The following TMEM127 variants were observed in gnomAD, a reference collection of about 807,000 sequenced individuals.
TMEM127 encodes transmembrane protein 127.
Under a neutral mutation model 20.1 loss-of-function variants are expected in TMEM127, and 21 were observed. The observed-to-expected ratio is 1.04, with a 90% CI of 0.74 to 1.50. The LOEUF is 1.50. TMEM127 is among the 40% of genes most tolerant of loss of function. The pLI, the probability that TMEM127 is intolerant of heterozygous loss-of-function variation, is 0.00. For missense variants in TMEM127, 303 were observed against 317.4 expected, an observed-to-expected ratio of 0.95 and a Z score of 0.34; for synonymous variants, 150 against 144.7, an observed-to-expected ratio of 1.04 and a Z score of -0.26.
rs2104289889 is a variant in TMEM127 at position 96,255,915 on chromosome 2, G to A, written c.245-918C>T. On this transcript the variant is annotated intron_variant, in intron 2 of 3. Transcript: ENST00000258439. ...GGACTGCTTGCGCCCAGGAGTTACTGTAAGCTATAATCACACCACTGCACT... is the reference window on the plus strand; with the variant it reads ...GGACTGCTTGCGCCCAGGAGTTACTATAAGCTATAATCACACCACTGCACT... Among the ~76,000 whole-genome samples, 3 of 152,242 alleles carry A rather than the reference G, an allele frequency of 2.0e-5. 1 individual carries two copies. In the South Asian group the frequency reaches 6.2e-4, roughly 32 times the overall value.
chr2:96,263,158 G>A (rs953043268), intron 2 of TMEM127, among the ~76,000 whole-genome samples: 3 of 150,832 alleles, frequency 2.0e-5, no homozygotes, highest in Admixed American at 6.6e-5. Context: ...GGGTTCAAGC[G>A]ATTCGCCTGC....
At chr2:96,263,903 C>A (rs1283583235) in intron 2 of TMEM127, among the ~76,000 whole-genome samples, 7 of 152,138 alleles carry the variant, frequency 4.6e-5, no homozygotes, top group Admixed American at 4.6e-4. Flanking sequence ...AAGCTTAATG[C>A]TCTTTGTGCC....
At chr2:96,265,833 G>A (rs1204146481) in intron 1 of TMEM127, 36 bp downstream of exon 1, 1 of 179,988 alleles carries the variant, frequency 5.6e-6, no homozygotes, top group Non-Finnish European at 1.2e-5. Flanking sequence ...CCTGTGCGCA[G>A]AAAAGACCCT....
Position 96,250,599 on chromosome 2 carries a change from T to C in TMEM127, c.*3209A>G, listed in dbSNP as rs186348610. ...TTCCAAGAAAGATGTGTATTCTCCC[T>C]AACAACAACAAAAGAGACCTAAATG... On this transcript the variant is annotated 3_prime_UTR_variant, in exon 4 of 4. Transcript: ENST00000258439. 210 of 233,076 alleles carry C rather than the reference T, an allele frequency of 9.0e-4. 1 individual carries two copies. In the East Asian group the frequency reaches 0.012, roughly 13 times the overall value. The allele number at this position is 233,076 out of a possible 1,614,324, so 14.4% of individuals were successfully genotyped here. A position where few individuals can be genotyped will look rare whatever the true frequency, so the allele number is the denominator to read the frequency against.
intron 2 of TMEM127, among the ~76,000 whole-genome samples, chr2:96,257,427 A>C (rs1684230915): frequency 6.6e-6 from 1 of 152,060 alleles, no homozygotes. Context: ...GTGTCACTGC[A>C]CTCCAGCCTG....
chr2:96,264,684 C>T (rs998264909), intron 2 of TMEM127, among the ~76,000 whole-genome samples: 1 of 152,208 alleles, frequency 6.6e-6, no homozygotes, highest in African/African-American at 2.4e-5. Flanking sequence ...CCTAAAATGC[C>T]ACAGATTCCC....
In TMEM127 at chr2:96,265,234, C is replaced by T. The variant is rs1437924634; in HGVS notation, c.148G>A (p.Glu50Lys). 6 of 1,600,236 alleles carry T rather than the reference C, an allele frequency of 3.7e-6. No homozygotes were observed. Among genetic ancestry groups the T allele is most frequent in the Non-Finnish European group, 5.1e-6 (6 of 1,176,392 alleles). Residue 50 changes from glutamate to lysine, a missense_variant, in exon 2 of 4, where the codon GAG (glutamate) becomes AAG (lysine). Physicochemically the swap from Glu to Lys is moderately conservative, Grantham distance 56 (BLOSUM62 1). Transcript: ENST00000258439. The stretch of plus-strand genomic sequence containing the variant: ...CCGTGGATGTGCAACCAGGCGGGCT[C>T]GGCGAGGGCAGTGCACAGCGCCGTG... The part of the protein sequence containing the change: ...SITALCTALA[E>K]PAWLHIHGGT...
chr2:96,265,801 G>T, intron 1 of TMEM127, 68 bp downstream of exon 1: 1 of 192,894 alleles, frequency 5.2e-6, no homozygotes. Context: ...CCGTGATCTG[G>T]GACCGGCGGT....
intron 2 of TMEM127, among the ~76,000 whole-genome samples, chr2:96,262,793 C>T (rs1684335537): frequency 6.6e-6 from 1 of 151,736 alleles, no homozygotes; most frequent in South Asian, 2.1e-4. Flanking sequence ...TCAAGCGATT[C>T]TCCTGCCTCA....
At chr2:96,254,728 G>A (rs1684164811) in intron 3 of TMEM127, 105 bp downstream of exon 3, 1 of 1,446,556 alleles carries the variant, frequency 6.9e-7, no homozygotes, top group Non-Finnish European at 9.7e-7. Context: ...TGAGCTCCTG[G>A]AAGGGTGCCT....
In TMEM127 at chr2:96,251,770, A is replaced by G. The variant is rs564245763; in HGVS notation, c.*2038T>C. 1 of 233,124 alleles carries G rather than the reference A, an allele frequency of 4.3e-6. No homozygotes were observed. Among genetic ancestry groups the G allele is most frequent in the African/African-American group, 2.2e-5 (1 of 45,404 alleles). 14.4% of individuals were successfully genotyped at this position (233,124 alleles called of 1,614,324 possible). A position where few individuals can be genotyped will look rare whatever the true frequency, so the allele number is the denominator to read the frequency against. On this transcript the variant is annotated 3_prime_UTR_variant, in exon 4 of 4. Transcript: ENST00000258439. ...CAGTGTCAGGATGGCAGAGGGAAAGAGAAAGAAGAGGAAGGCCAAAGACAT... is the reference window on the plus strand; with the variant it reads ...CAGTGTCAGGATGGCAGAGGGAAAGGGAAAGAAGAGGAAGGCCAAAGACAT...
rs1423859485 is a variant in TMEM127 at position 96,265,205 on chromosome 2, G to A, written c.177C>T (p.Gly59=). The A allele has an allele frequency of 3.7e-6, 6 of 1,607,756 alleles. No homozygotes were observed. Among genetic ancestry groups the A allele is most frequent in the Non-Finnish European group, 5.1e-6 (6 of 1,178,576 alleles). The change falls in exon 2 of 4, where the codon GGC becomes GGT. Residue 59 remains glycine (G), a synonymous_variant. Transcript: ENST00000258439. The part of the protein sequence containing the change: ...AEPAWLHIHG[G]TCSRQELGVS... ...CCCCCAGCTCCTGGCGCGAACAGGTGCCTCCGTGGATGTGCAACCAGGCGG... is the reference window on the plus strand; with the variant it reads ...CCCCCAGCTCCTGGCGCGAACAGGTACCTCCGTGGATGTGCAACCAGGCGG...
rs763476625 is a variant in TMEM127, at chr2:96,265,294, T to C, written c.88A>G (p.Ser30Gly). 3.2e-4 allele frequency: 497 copies of C among 1,552,786 alleles called. No individual in the cohort carries two copies. The highest frequency in any genetic ancestry group is 4.2e-4 in the Non-Finnish European group (484 of 1,155,646). Reference sequence around the variant, plus strand: ...GCGCCAGGCAGGGCCGAGGCCAGGCTACGCTCCGGCTGCTTGGGCAGAGCG... The same window carrying C: ...GCGCCAGGCAGGGCCGAGGCCAGGCCACGCTCCGGCTGCTTGGGCAGAGCG... ...GSALPKQPER[S>G]LASALPGALS... Residue 30 changes from serine (S) to glycine (G), a missense_variant, in exon 2 of 4, where the codon AGC becomes GGC. Coordinates refer to ENST00000258439, the MANE Select transcript of TMEM127 (RefSeq NM_017849.4).
chr2:96,265,093 C>T (rs1377946244), intron 2 of TMEM127, 45 bp downstream of exon 2: 4 of 1,609,206 alleles, frequency 2.5e-6, no homozygotes, highest in Admixed American at 1.7e-5. Context: ...AGAACACATT[C>T]TGTCCCCCAC....
At chr2:96,263,360 CT>C (rs1157265984) in intron 2 of TMEM127, among the ~76,000 whole-genome samples, 1,525 of 109,416 alleles carry the variant, frequency 0.014, 10 homozygotes, top group Non-Finnish European at 0.022. Flanking sequence ...CCTGGCCTTT[CT>C]TTTTTTTTTT....
intron 3 of TMEM127, 148 bp from the exon 4 acceptor site, chr2:96,254,263 C>T: frequency 1.9e-6 from 2 of 1,073,076 alleles, no homozygotes; most frequent in Non-Finnish European, 2.7e-6. Flanking sequence ...GCTCTCTTGA[C>T]CATGGGATTC....
rs149619206 is a variant in TMEM127 at position 96,249,611 on chromosome 2, C to T, written c.*4197G>A. 1,400 of 231,622 alleles carry T rather than the reference C, an allele frequency of 6.0e-3. 7 individuals carry two copies. Among genetic ancestry groups the T allele is most frequent in the Non-Finnish European group, 0.01 (1,172 of 117,072 alleles). 14.3% of individuals were successfully genotyped at this position (231,622 alleles called of 1,614,324 possible). ...TCTCTACCCACCCCCACAAAAAAAA[C>T]ATTTTCTCTTCTCCACAAACCTCCT... On this transcript the variant is annotated 3_prime_UTR_variant, in exon 4 of 4. Transcript: ENST00000258439.
At chr2:96,261,361 G>C (rs931217364) in intron 2 of TMEM127, among the ~76,000 whole-genome samples, 1 of 151,680 alleles carries the variant, frequency 6.6e-6, no homozygotes, top group African/African-American at 2.4e-5. Context: ...CTGCAGCCTT[G>C]AACTCCTGGA....
chr2:96,265,084 GA>G, intron 2 of TMEM127, 53 bp downstream of exon 2: 1 of 1,607,162 alleles, frequency 6.2e-7, no homozygotes, highest in Non-Finnish European at 8.5e-7. Flanking sequence ...GCTTCAGCCA[GA>G]ACACATTCTG....
Sources: gnomAD v4.1 joint callset for allele counts (sites outside exome capture counted in the v4.1 genomes callset) on GRCh38, gnomAD v4.1.1 for gene constraint, MANE v1.5 for transcripts, NCBI Gene and HGNC (gene_info 2026-07-23, HGNC 2026-07-21) for gene names.